The following RFX3 variants were observed in gnomAD, a reference collection of about 807,000 sequenced individuals.
RFX3 encodes transcription factor RFX3.
A neutral mutation model predicts 98.6 loss-of-function variants in RFX3; 14 were observed. The ratio of observed to expected loss-of-function variants is 0.14; its 90% CI spans 0.09 to 0.22. The LOEUF is 0.22. Among genes scored for constraint, RFX3 ranks in the 10% least tolerant of loss-of-function variants. The pLI, the probability that RFX3 is intolerant of heterozygous loss-of-function variation, is 1.00. For synonymous variants in RFX3, 383 were observed against 328.4 expected (o/e 1.17, Z -1.80); for missense variants, 639 against 926.9 (o/e 0.69, Z 4.03).
chr9:3,228,669 A>G (rs1212053534), intron 16 of RFX3, among the ~76,000 whole-genome samples, 178 bp downstream of exon 16: 2 of 152,236 alleles, frequency 1.3e-5, no homozygotes, highest in Non-Finnish European at 2.9e-5. Context: ...CATATGTAGA[A>G]GGCATAGGGA....
intron 1 of RFX3, among the ~76,000 whole-genome samples, chr9:3,505,755 C>G (rs1412410821): frequency 2.0e-5 from 3 of 150,216 alleles, no homozygotes; most frequent in East Asian, 1.9e-4. Context: ...TTCTCCACCC[C>G]CATCATTTAC....
chr9:3,494,886 T>C (rs773093418), intron 1 of RFX3, among the ~76,000 whole-genome samples: 4 of 151,974 alleles, frequency 2.6e-5, no homozygotes, highest in Non-Finnish European at 5.9e-5. Context: ...GGGTCTTCCA[T>C]TCACACTTTG....
At chr9:3,446,613 C>A (rs1238321586) in intron 1 of RFX3, among the ~76,000 whole-genome samples, 3 of 151,166 alleles carry the variant, frequency 2.0e-5, no homozygotes, top group Non-Finnish European at 4.4e-5. Flanking sequence ...AAAAAAAAAA[C>A]ATACATACAA....
intron 1 of RFX3, among the ~76,000 whole-genome samples, chr9:3,429,893 T>G (rs1844488740): frequency 6.6e-6 from 1 of 152,222 alleles, no homozygotes; most frequent in South Asian, 2.1e-4. Flanking sequence ...AACAGGTTTC[T>G]GTCTAAGCAG....
At chr9:3,401,180 G>C (rs368646501) in intron 1 of RFX3, among the ~76,000 whole-genome samples, 13 of 152,258 alleles carry the variant, frequency 8.5e-5, no homozygotes, top group African/African-American at 3.1e-4. Context: ...TTTTTCCAGA[G>C]GCATTTTTAG....
chr9:3,318,523 A>T (rs1248593410), intron 4 of RFX3, among the ~76,000 whole-genome samples: 1 of 150,986 alleles, frequency 6.6e-6, no homozygotes, highest in Non-Finnish European at 1.5e-5. Context: ...AAGTAAAATA[A>T]TAATTAAAAA....
chr9:3,263,107 T>C (rs777756417), intron 12 of RFX3, 23 bp from the exon 13 acceptor site: 5 of 1,608,058 alleles, frequency 3.1e-6, no homozygotes, highest in Non-Finnish European at 4.2e-6. Flanking sequence ...CCAATTAAGT[T>C]GGGATTCTGT....
At chr9:3,362,645 A>C (rs1372978945) in intron 2 of RFX3, among the ~76,000 whole-genome samples, 6 of 152,244 alleles carry the variant, frequency 3.9e-5, no homozygotes, top group African/African-American at 1.4e-4. Context: ...GCATAAGTGT[A>C]ATAGTGTTAT....
chr9:3,413,738 T>C (rs1246456358), intron 1 of RFX3, among the ~76,000 whole-genome samples: 1 of 152,122 alleles, frequency 6.6e-6, no homozygotes, highest in Non-Finnish European at 1.5e-5. Context: ...AAATATAAGC[T>C]AAGTTCTGCA....
At chr9:3,252,908 TATC>T (rs1244821008) in intron 14 of RFX3, among the ~76,000 whole-genome samples, 2 of 152,258 alleles carry the variant, frequency 1.3e-5, no homozygotes, top group East Asian at 3.8e-4. Context: ...AGTTGAATTG[TATC>T]ATTAACGCTA....
chr9:3,394,834 G>A, intron 2 of RFX3: 1 of 985,262 alleles, frequency 1.0e-6, no homozygotes. Context: ...CCACATACAT[G>A]AACAGCATTA....
intron 4 of RFX3, among the ~76,000 whole-genome samples, chr9:3,315,624 C>T (rs1425766957): frequency 6.6e-6 from 1 of 151,958 alleles, no homozygotes; most frequent in Non-Finnish European, 1.5e-5. Flanking sequence ...TGATAGACTG[C>T]TAGCAAGACT....
At chr9:3,336,126 A>G (rs1833146807) in intron 3 of RFX3, among the ~76,000 whole-genome samples, 1 of 152,224 alleles carries the variant, frequency 6.6e-6, no homozygotes, top group Non-Finnish European at 1.5e-5. Flanking sequence ...AGGAAATAAA[A>G]TAGCATGTAA....
intron 1 of RFX3, among the ~76,000 whole-genome samples, chr9:3,462,338 C>G (rs960252781): frequency 6.6e-6 from 1 of 151,980 alleles, no homozygotes; most frequent in Non-Finnish European, 1.5e-5. Context: ...AAGGTCATCT[C>G]AATTTAACAT....
chr9:3,470,578 C>T (rs112608350), intron 1 of RFX3, among the ~76,000 whole-genome samples: 1 of 152,020 alleles, frequency 6.6e-6, no homozygotes, highest in African/African-American at 2.4e-5. Flanking sequence ...CCGCCCGCCT[C>T]GGCCTCCCAG....
chr9:3,316,399 A>G (rs1468914230), intron 4 of RFX3, among the ~76,000 whole-genome samples: 1 of 152,198 alleles, frequency 6.6e-6, no homozygotes, highest in Non-Finnish European at 1.5e-5. Context: ...GCTATTTATG[A>G]CAAACCCACA....
At chr9:3,507,209 T>G (rs192526912) in intron 1 of RFX3, among the ~76,000 whole-genome samples, 1 of 152,024 alleles carries the variant, frequency 6.6e-6, no homozygotes, top group East Asian at 1.9e-4. Flanking sequence ...AAGAAATTAC[T>G]AGAAATGAAC....
chr9:3,373,445 CACCTATGTAGTTTA>C (rs2131586989), intron 2 of RFX3, among the ~76,000 whole-genome samples: 2 of 152,220 alleles, frequency 1.3e-5, no homozygotes, highest in African/African-American at 4.8e-5. Context: ...ATTTCTTTGA[CACCTATGTAGTTTA>C]AGAAAACTGT....
At chr9:3,327,927 G>A (rs1425538799) in intron 4 of RFX3, among the ~76,000 whole-genome samples, 1 of 151,996 alleles carries the variant, frequency 6.6e-6, no homozygotes, top group Non-Finnish European at 1.5e-5. Context: ...AACTATAAAG[G>A]TTAGCAATGC....
Sources: gnomAD v4.1 joint callset for allele counts (sites outside exome capture counted in the v4.1 genomes callset) on GRCh38, gnomAD v4.1.1 for gene constraint, MANE v1.5 for transcripts, NCBI Gene and HGNC (gene_info 2026-07-23, HGNC 2026-07-21) for gene names.